Variants in SIPA1L1 observed in about 807,000 individuals in gnomAD.
SIPA1L1 encodes the protein signal-induced proliferation-associated 1-like protein 1.
SIPA1L1 carries 26 observed loss-of-function variants against 162.7 expected under a neutral mutation model. The observed-to-expected ratio is 0.16, with a 90% CI of 0.12 to 0.22. SIPA1L1 has a LOEUF of 0.22. Ranked by LOEUF, SIPA1L1 falls within the 10% of genes least tolerant of loss-of-function variation. SIPA1L1 has a pLI of 1.00. For missense variants in SIPA1L1, 1,874 were observed against 2,241.0 expected, an observed-to-expected ratio of 0.84 and a Z score of 3.31; for synonymous variants, 829 against 837.4, an observed-to-expected ratio of 0.99 and a Z score of 0.17.
chr14:71,325,817 A>G (rs1020215089), intron 2 of SIPA1L1, among the ~76,000 whole-genome samples: 4 of 152,082 alleles, frequency 2.6e-5, no homozygotes, highest in Non-Finnish European at 5.9e-5. Flanking sequence ...ATGTTGCACT[A>G]AGTTCTCCCT....
At chr14:71,527,380 A>T (rs928341966) in intron 3 of SIPA1L1, among the ~76,000 whole-genome samples, 10 of 150,754 alleles carry the variant, frequency 6.6e-5, no homozygotes, top group Non-Finnish European at 1.5e-4. Context: ...TTATTTTTTA[A>T]TTTTTTTGTA....
intron 19 of SIPA1L1, among the ~76,000 whole-genome samples, chr14:71,729,833 G>A (rs2084592697): frequency 6.6e-6 from 1 of 152,190 alleles, no homozygotes; most frequent in Non-Finnish European, 1.5e-5. Context: ...AATCACATAG[G>A]GAGCACTGAT....
intron 2 of SIPA1L1, among the ~76,000 whole-genome samples, chr14:71,393,044 T>C (rs895422977): frequency 5.3e-5 from 8 of 152,226 alleles, no homozygotes; most frequent in Non-Finnish European, 1.2e-4. Flanking sequence ...ATATAATAAA[T>C]ACATAGTTGA....
At chr14:71,662,459 A>G (rs1179318093) in intron 10 of SIPA1L1, among the ~76,000 whole-genome samples, 7 of 152,212 alleles carry the variant, frequency 4.6e-5, no homozygotes, top group South Asian at 2.1e-4. Flanking sequence ...TTTAAAACCT[A>G]TGAGGTAGGT....
intron 21 of SIPA1L1, among the ~76,000 whole-genome samples, chr14:71,734,098 G>A (rs974378918): frequency 3.0e-4 from 45 of 152,374 alleles, no homozygotes; most frequent in African/African-American, 1.1e-3. Flanking sequence ...GCTGTCCCTT[G>A]ACTAAAAAGA....
chr14:71,661,427 G>C lies in SIPA1L1; in HGVS notation c.2215G>C (p.Val739Leu). Residue 739 changes from valine to leucine, a missense_variant, in exon 10 of 24, where the codon GTC (valine) becomes CTC (leucine). Physicochemically the swap from Val to Leu is conservative, Grantham distance 32. Around this residue, in one of 5 missense-constraint regions of SIPA1L1, gnomAD observed 243 missense variants for 315.0 expected, o/e 0.77. Transcript: ENST00000381232. ...RSHFQHVFVIVRVHNPCSDSV... is the reference protein window; with the variant it reads ...RSHFQHVFVILRVHNPCSDSV... ...CCACTTCCAGCACGTTTTCGTCATC[G>C]TCAGGGTGCACAATCCGTGCTCTGA... 6.2e-7 allele frequency: 1 copy of C among 1,613,976 alleles called. No individual in the cohort carries two copies.
At chr14:71,331,261 C>T (rs762881410) in intron 2 of SIPA1L1, among the ~76,000 whole-genome samples, 18 of 152,070 alleles carry the variant, frequency 1.2e-4, no homozygotes, top group Admixed American at 7.9e-4. Flanking sequence ...GTCTCTTTGT[C>T]TGTTTTTATG....
chr14:71,531,873 CCT>C (rs548276278), intron 4 of SIPA1L1, among the ~76,000 whole-genome samples: 178 of 152,248 alleles, frequency 1.2e-3, no homozygotes, highest in African/African-American at 4.1e-3. Flanking sequence ...TTGGGGGAGT[CCT>C]GTTACCCTTT....
intron 2 of SIPA1L1, among the ~76,000 whole-genome samples, chr14:71,423,600 T>A (rs1315351892): frequency 1.3e-5 from 2 of 152,218 alleles, no homozygotes; most frequent in African/African-American, 2.4e-5. Flanking sequence ...CTTGGCGCTC[T>A]TGTCAAAAAT....
chr14:71,656,273 G>T (rs1177877840), intron 8 of SIPA1L1, among the ~76,000 whole-genome samples: 1 of 152,126 alleles, frequency 6.6e-6, no homozygotes, highest in Non-Finnish European at 1.5e-5. Context: ...TTCCTCTCTG[G>T]CAGTAATCCT....
chr14:71,603,149 A>G (rs893177095), intron 5 of SIPA1L1, among the ~76,000 whole-genome samples: 1 of 152,092 alleles, frequency 6.6e-6, no homozygotes, highest in Non-Finnish European at 1.5e-5. Flanking sequence ...TGTTTTATCT[A>G]AGTCTACCTA....
rs117286190 is a variant in SIPA1L1 at position 71,598,898 on chromosome 14, A to G, written c.1498+9528A>G. 1.4e-4 allele frequency among the ~76,000 whole-genome samples: 21 copies of G among 151,968 alleles called. No homozygotes were observed. In the East Asian group the frequency reaches 4.1e-3, roughly 29 times the overall value. On this transcript the variant is annotated intron_variant, in intron 5 of 23. Coordinates refer to ENST00000381232, the MANE Select transcript of SIPA1L1 (RefSeq NM_001386936.1). ...CTCTAATGTGCTATTGAGCATTAGAACTTTTATTGTCTAACTGTTTGTACT... is the reference window on the plus strand; with the variant it reads ...CTCTAATGTGCTATTGAGCATTAGAGCTTTTATTGTCTAACTGTTTGTACT...
At chr14:71,445,466 A>G (rs1379524328) in intron 2 of SIPA1L1, among the ~76,000 whole-genome samples, 2 of 152,144 alleles carry the variant, frequency 1.3e-5, no homozygotes, top group Non-Finnish European at 2.9e-5. Flanking sequence ...GTATCTAGAA[A>G]CAAAGTCTGA....
In SIPA1L1 at chr14:71,730,165, C is replaced by T. The variant is rs372179189; in HGVS notation, c.4725C>T (p.His1575=). ...DESIYNSQRE[H]FFTSRASLLD... ...GCATTTACAATAGCCAGAGGGAGCA[C>T]TTTTTCACCTCCAGGGCGTCACTTC... Residue 1575 remains histidine, a synonymous_variant, in exon 20 of 24, where the codon CAC becomes CAT. Transcript: ENST00000381232. 4.2e-5 allele frequency: 67 copies of T among 1,614,176 alleles called. No individual in the cohort carries two copies. In the African/African-American group the frequency reaches 5.7e-4, roughly 14 times the overall value.
At chr14:71,503,863 G>A (rs1389595776) in intron 2 of SIPA1L1, 27 of 151,982 alleles carry the variant, frequency 1.8e-4, no homozygotes, top group Admixed American at 1.8e-3. Flanking sequence ...GAGTACAGTG[G>A]TACAATATTG....
At chr14:71,576,389 A>G (rs2033036933) in intron 4 of SIPA1L1, 1 of 152,262 alleles carries the variant, frequency 6.6e-6, no homozygotes, top group East Asian at 1.9e-4. Context: ...TGCCTGATGC[A>G]TACATAACTG....
chr14:71,669,175 C>T (rs2044292583), intron 10 of SIPA1L1, among the ~76,000 whole-genome samples: 1 of 152,188 alleles, frequency 6.6e-6, no homozygotes, highest in Non-Finnish European at 1.5e-5. Context: ...ATTTACCTCC[C>T]TACCACAGTG....
intron 4 of SIPA1L1, among the ~76,000 whole-genome samples, chr14:71,544,973 C>T (rs955189182): frequency 8.5e-5 from 13 of 152,140 alleles, no homozygotes; most frequent in Non-Finnish European, 1.5e-4. Context: ...AGTGATCTAT[C>T]TGCCTCAGCC....
At chr14:71,585,702 T>C (rs959460129) in intron 4 of SIPA1L1, among the ~76,000 whole-genome samples, 1 of 152,190 alleles carries the variant, frequency 6.6e-6, no homozygotes, top group Non-Finnish European at 1.5e-5. Flanking sequence ...TGAAAGATGA[T>C]TTATTTGGAT....
Sources: allele counts gnomAD v4.1 joint callset (sites outside exome capture counted in the v4.1 genomes callset), GRCh38; gene constraint gnomAD v4.1.1; regional missense constraint gnomAD v4.1.1; transcripts MANE v1.5; gene names NCBI Gene and HGNC (gene_info 2026-07-23, HGNC 2026-07-21).